Variants in MAP3K20 observed in about 807,000 individuals in gnomAD.
The protein encoded by MAP3K20 is mitogen-activated protein kinase kinase kinase 20, also known as HCCS-4.
In MAP3K20, 40 loss-of-function variants were observed where a neutral mutation model predicts 85.7. The observed-to-expected ratio is 0.47, with a 90% CI of 0.36 to 0.61. MAP3K20 has a LOEUF of 0.61. MAP3K20 is among the 20% of genes least tolerant of loss of function. The pLI, the probability that MAP3K20 is intolerant of heterozygous loss-of-function variation, is 0.00. For synonymous variants in MAP3K20, 325 were observed against 327.7 expected (o/e 0.99, Z 0.09); for missense variants, 817 against 961.7 (o/e 0.85, Z 1.99).
chr2:173,242,730 A>G (rs1364259516), intron 16 of MAP3K20, among the ~76,000 whole-genome samples: 1 of 123,546 alleles, frequency 8.1e-6, no homozygotes, highest in Non-Finnish European at 1.6e-5. Context: ...TTTTTAAGAC[A>G]GAGTCTCCTT....
At chr2:173,139,987 G>T (rs185562236) in intron 2 of MAP3K20, among the ~76,000 whole-genome samples, 1 of 151,150 alleles carries the variant, frequency 6.6e-6, no homozygotes, top group African/African-American at 2.4e-5. Context: ...TTCCTTCCCT[G>T]CAATCCTATA....
intron 8 of MAP3K20, among the ~76,000 whole-genome samples, chr2:173,199,001 T>A (rs930544695): frequency 6.6e-6 from 1 of 152,242 alleles, no homozygotes; most frequent in Non-Finnish European, 1.5e-5. Context: ...GTCTTTGCAA[T>A]GCAAAACTAC....
rs1487155910 is a variant in MAP3K20, at chr2:173,226,925, C to T, written c.988-2764C>T. On this transcript the variant is annotated intron_variant, in intron 11 of 19. Transcript: ENST00000375213. ...ATGTTATTCTGAGCAAGTCCTATGCCAAATATCTTGTATAATGTTTGTATG... is the reference window on the plus strand; with the variant it reads ...ATGTTATTCTGAGCAAGTCCTATGCTAAATATCTTGTATAATGTTTGTATG... 4.1e-6 allele frequency: 4 copies of T among 984,752 alleles called. No individual in the cohort carries two copies. The East Asian group carries it at 4.5e-4, about 112-fold the overall frequency. The allele number at this position is 984,752 out of a possible 1,614,324, so 61.0% of individuals were successfully genotyped here.
chr2:173,229,676 A>G lies in MAP3K20; in HGVS notation c.988-13A>G, dbSNP rs1430396065. 6.2e-7 allele frequency: 1 copy of G among 1,613,760 alleles called. No individual in the cohort carries two copies. On this transcript the variant is annotated splice_polypyrimidine_tract_variant and intron_variant, in intron 11 of 19. Transcript: ENST00000375213. Reference sequence around the variant, plus strand: ...TACTTTTTTTTTTCATTTCATGCATATTTCCCATGCAGCTGCTGCCTTCCT... The same window carrying G: ...TACTTTTTTTTTTCATTTCATGCATGTTTCCCATGCAGCTGCTGCCTTCCT...
At position 173,263,798 on chromosome 2, in the gene MAP3K20, T is replaced by C. The variant is rs1414980986; in HGVS notation, c.1605T>C (p.Ser535=). 1 of 1,613,362 alleles carries C rather than the reference T, an allele frequency of 6.2e-7. No individual in the cohort carries two copies. The highest frequency in any genetic ancestry group is 1.7e-5 in the Admixed American group (1 of 59,740). The change falls in exon 19 of 20, where the codon AGT becomes AGC. Residue 535 remains serine, a synonymous_variant. Transcript: ENST00000375213. ...AACATGTCCATTCGATTCAGTGGAG[T>C]AGAACAAAACCTCAGGATGAAGTGA... ...STKHVHSIQW[S]RTKPQDEVKA...
At chr2:173,138,931 C>A (rs1574048623) in intron 2 of MAP3K20, among the ~76,000 whole-genome samples, 1 of 152,144 alleles carries the variant, frequency 6.6e-6, no homozygotes, top group Non-Finnish European at 1.5e-5. Flanking sequence ...TCAGACACTG[C>A]GAATTCTGTA....
intron 2 of MAP3K20, among the ~76,000 whole-genome samples, chr2:173,139,494 A>G (rs1249063863): frequency 1.3e-5 from 2 of 152,214 alleles, no homozygotes; most frequent in South Asian, 2.1e-4. Context: ...AAAAGGATCA[A>G]TGTAATGCTG....
chr2:173,255,859 T>G (rs979053663), intron 16 of MAP3K20, among the ~76,000 whole-genome samples: 2 of 152,252 alleles, frequency 1.3e-5, no homozygotes, highest in South Asian at 4.1e-4. Context: ...AGGTTCTTGC[T>G]ATTTCAGAGA....
intron 2 of MAP3K20, among the ~76,000 whole-genome samples, chr2:173,164,090 GC>G (rs1198941620): frequency 1.3e-5 from 2 of 152,012 alleles, no homozygotes; most frequent in African/African-American, 4.8e-5. Context: ...CTCTGGAGTA[GC>G]TGGGATTACA....
At chr2:173,253,634 C>T (rs1285144448) in intron 16 of MAP3K20, among the ~76,000 whole-genome samples, 1 of 152,136 alleles carries the variant, frequency 6.6e-6, no homozygotes, top group Non-Finnish European at 1.5e-5. Context: ...AAAAGGAGTA[C>T]TTTGCAGTTC....
rs1684730670 is a variant in MAP3K20 at position 173,239,441 on chromosome 2, T to C, written c.1304T>C (p.Ile435Thr). 1 of 1,613,454 alleles carries C rather than the reference T, an allele frequency of 6.2e-7. No homozygotes were observed. Among genetic ancestry groups the C allele is most frequent in the South Asian group, 1.1e-5 (1 of 90,902 alleles). ...GAACCTGAAGAAAATGAGGAAAAAA[T>C]AGTGAACCTGGAACTGGTTTTTGGT... ...GGEPEENEEK[I>T]VNLELVFGFH... Residue 435 changes from isoleucine to threonine, a missense_variant, in exon 16 of 20, where the codon ATA (isoleucine) becomes ACA (threonine). Coordinates refer to ENST00000375213, the MANE Select transcript of MAP3K20 (RefSeq NM_016653.3).
At chr2:173,205,131 TA>T (rs1458784548) in intron 9 of MAP3K20, among the ~76,000 whole-genome samples, 2 of 145,010 alleles carry the variant, frequency 1.4e-5, no homozygotes, top group East Asian at 2.1e-4. Context: ...AATAAATAAA[TA>T]AAATAAAACA....
Position 173,203,865 on chromosome 2 carries a change from G to A in MAP3K20, c.739G>A (p.Ala247Thr). Reference sequence around the variant, plus strand: ...GTTACATCAGTGTTGGGAAGCTGATGCCAAGGTATACATATGTATTTTTGT... The same window carrying A: ...GTTACATCAGTGTTGGGAAGCTGATACCAAGGTATACATATGTATTTTTGT... ...ELLHQCWEAD[A>T]KKRPSFKQII... Residue 247 changes from alanine (A) to threonine (T), a missense_variant, in exon 9 of 20, where the codon GCC becomes ACC. Ala to Thr is a moderately conservative substitution (Grantham distance 58). Transcript: ENST00000375213. 6.2e-7 allele frequency: 1 copy of A among 1,613,558 alleles called. No homozygotes were observed. The highest frequency in any genetic ancestry group is 1.1e-5 in the South Asian group (1 of 91,056).
chr2:173,214,239 GTCA>G (rs1383512384), intron 10 of MAP3K20: 1 of 152,146 alleles, frequency 6.6e-6, no homozygotes, highest in African/African-American at 2.4e-5. Context: ...CTTTTCCTCA[GTCA>G]TCAGATCTTC....
At chr2:173,143,248 G>A (rs1197917182) in intron 2 of MAP3K20, among the ~76,000 whole-genome samples, 1 of 152,054 alleles carries the variant, frequency 6.6e-6, no homozygotes, top group African/African-American at 2.4e-5. Context: ...AAGATAAAAT[G>A]ATTTAATAAT....
intron 11 of MAP3K20, chr2:173,225,502 G>A (rs1242550132): frequency 1.3e-6 from 1 of 757,458 alleles, no homozygotes; most frequent in Non-Finnish European, 1.6e-6. Context: ...GCTGAGGCAG[G>A]AGAATCACTT....
chr2:173,231,514 C>T (rs767044688), intron 12 of MAP3K20, among the ~76,000 whole-genome samples: 4 of 152,212 alleles, frequency 2.6e-5, no homozygotes, highest in African/African-American at 9.7e-5. Flanking sequence ...TGAGTTCTAA[C>T]AGCTATTTTT....
At chr2:173,149,637 G>A (rs954501513) in intron 2 of MAP3K20, among the ~76,000 whole-genome samples, 6 of 152,098 alleles carry the variant, frequency 3.9e-5, no homozygotes, top group African/African-American at 1.2e-4. Flanking sequence ...AAAAGACCAG[G>A]ACCTAAACTG....
intron 18 of MAP3K20, 87 bp from the exon 19 acceptor site, chr2:173,263,654 ACTTT>A (rs1263842572): frequency 1.6e-6 from 2 of 1,260,102 alleles, no homozygotes; most frequent in African/African-American, 3.0e-5. Flanking sequence ...AACCTGGATG[ACTTT>A]CTTTCCCATT....
Sources: gnomAD v4.1 joint callset for allele counts (sites outside exome capture counted in the v4.1 genomes callset) on GRCh38, gnomAD v4.1.1 for gene constraint, MANE v1.5 for transcripts, NCBI Gene and HGNC (gene_info 2026-07-23, HGNC 2026-07-21) for gene names.